Variants in NHSL2 observed in about 807,000 individuals in gnomAD.
NHSL2 encodes the protein NHS-like protein 2.
Under a neutral mutation model 53.4 loss-of-function variants are expected in NHSL2, and 27 were observed. The observed-to-expected ratio is 0.51, with a 90% CI of 0.37 to 0.70. The LOEUF (loss-of-function observed/expected upper bound fraction) is 0.70, where lower values mean the gene tolerates loss of function less well. NHSL2 is among the 30% of genes least tolerant of loss of function. NHSL2 has a pLI of 0.00. For missense variants in NHSL2, 892 were observed against 980.1 expected (o/e 0.91, Z 1.20); for synonymous variants, 408 against 404.1 (o/e 1.01, Z -0.12).
intron 1 of NHSL2, among the ~76,000 whole-genome samples, chrX:71,925,404 G>T (rs1189977217): frequency 9.1e-6 from 1 of 109,738 alleles, no homozygotes; most frequent in East Asian, 2.8e-4. Flanking sequence ...GAGAGAGGGA[G>T]TGGCATGTTT....
intron 1 of NHSL2, among the ~76,000 whole-genome samples, chrX:72,005,504 C>T (rs1292026962): frequency 8.9e-6 from 1 of 111,806 alleles, no homozygotes; most frequent in African/African-American, 3.3e-5. Flanking sequence ...GCCAGTAGTT[C>T]CCCGGAGTCA....
intron 1 of NHSL2, among the ~76,000 whole-genome samples, chrX:72,035,595 C>A (rs1233166927): frequency 9.0e-6 from 1 of 111,259 alleles, no homozygotes; most frequent in Non-Finnish European, 1.9e-5. Flanking sequence ...CTTTATCTAC[C>A]TTTATGCCCT....
chrX:72,071,595 G>C (rs896298006), intron 1 of NHSL2, among the ~76,000 whole-genome samples: 3 of 110,962 alleles, frequency 2.7e-5, no homozygotes, highest in African/African-American at 9.9e-5. Context: ...CCACCTCTTG[G>C]TCCTCACCTT....
intron 1 of NHSL2, among the ~76,000 whole-genome samples, chrX:72,001,434 C>A (rs1049011775): frequency 9.0e-6 from 1 of 111,553 alleles, no homozygotes; most frequent in African/African-American, 3.3e-5. Flanking sequence ...TGGCCCTGGA[C>A]TTAACTAAAA....
chrX:72,039,004 T>G lies in NHSL2; in HGVS notation c.281-93075T>G, dbSNP rs1349958140. The stretch of plus-strand genomic sequence containing the variant: ...TTGGCTGCCCAAAGAAGCCCTTAGT[T>G]GAAGGACCTTTTCTCCTCTGCTTTC... On this transcript the variant is annotated intron_variant, in intron 1 of 7. Transcript: ENST00000633930. Among the ~76,000 whole-genome samples the G allele has an allele frequency of 3.6e-5, 4 of 111,176 alleles. No homozygotes were observed. In the East Asian group the frequency reaches 1.1e-3, roughly 31 times the overall value.
At chrX:71,974,505 C>T (rs1370316011) in intron 1 of NHSL2, among the ~76,000 whole-genome samples, 1 of 112,235 alleles carries the variant, frequency 8.9e-6, no homozygotes, top group African/African-American at 3.2e-5. Flanking sequence ...GAAATAATCT[C>T]ATCCCTGGGA....
At chrX:72,104,107 A>G (rs914076821) in intron 1 of NHSL2, among the ~76,000 whole-genome samples, 1 of 112,398 alleles carries the variant, frequency 8.9e-6, no homozygotes, top group Non-Finnish European at 1.9e-5. Context: ...CAGGCCACAC[A>G]TCACAGTGGC....
At chrX:72,043,714 A>G (rs1425806893) in intron 1 of NHSL2, among the ~76,000 whole-genome samples, 1 of 111,369 alleles carries the variant, frequency 9.0e-6, no homozygotes, top group Non-Finnish European at 1.9e-5. Context: ...TGAGCCACAC[A>G]TGTTGATTAT....
chrX:71,996,006 G>A (rs1255130337), intron 1 of NHSL2, among the ~76,000 whole-genome samples: 2 of 112,269 alleles, frequency 1.8e-5, no homozygotes, highest in Admixed American at 9.4e-5. Context: ...AGATCACGTA[G>A]GGGAAGGAGA....
chrX:72,009,840 G>C (rs2042108746), intron 1 of NHSL2, among the ~76,000 whole-genome samples: 1 of 112,625 alleles, frequency 8.9e-6, no homozygotes, highest in African/African-American at 3.2e-5. Context: ...AATAAATTGT[G>C]AATGGATAAA....
intron 1 of NHSL2, among the ~76,000 whole-genome samples, chrX:71,931,989 A>G (rs931450801): frequency 3.6e-5 from 4 of 112,169 alleles, no homozygotes; most frequent in Non-Finnish European, 3.8e-5. Context: ...TTTTCTTTCG[A>G]CAAATATTGA....
intron 1 of NHSL2, among the ~76,000 whole-genome samples, chrX:71,917,519 G>C (rs994187477): frequency 9.1e-6 from 1 of 109,780 alleles, no homozygotes; most frequent in African/African-American, 3.3e-5. Context: ...TCTGGGCCCT[G>C]CCCTGTGCTG....
intron 1 of NHSL2, among the ~76,000 whole-genome samples, chrX:72,110,724 TAAAAAAAAA>T (rs56082929): frequency 2.1e-5 from 1 of 46,763 alleles, no homozygotes; most frequent in Non-Finnish European, 3.7e-5. Flanking sequence ...TCCTCCCACC[TAAAAAAAAA>T]AAAAAAAAAA....
Position 72,148,320 on chromosome X carries a change from G to A in NHSL2, c.*4746G>A, listed in dbSNP as rs933564332. 9.0e-6 allele frequency: 1 copy of A among 111,466 alleles called. No individual in the cohort carries two copies. Among genetic ancestry groups the A allele is most frequent in the Non-Finnish European group, 1.9e-5 (1 of 53,089 alleles). 9.2% of individuals were successfully genotyped at this position (111,466 alleles called of 1,213,427 possible). A position where few individuals can be genotyped will look rare whatever the true frequency, so the allele number is the denominator to read the frequency against. On this transcript the variant is annotated 3_prime_UTR_variant, in exon 8 of 8. Coordinates refer to ENST00000633930, the MANE Select transcript of NHSL2 (RefSeq NM_001013627.3). ...GGTGGTGATTATTAAACTTATTGGA[G>A]GTACAACTTTACCTCCAATAAGCTT...
chrX:72,065,702 A>ATT (rs890827246), intron 1 of NHSL2, among the ~76,000 whole-genome samples: 4 of 111,969 alleles, frequency 3.6e-5, no homozygotes, highest in Admixed American at 1.9e-4. Flanking sequence ...TCATTCCCCC[A>ATT]TTATACATGG....
chrX:71,973,222 C>T (rs750198723), intron 1 of NHSL2, among the ~76,000 whole-genome samples: 1 of 112,321 alleles, frequency 8.9e-6, no homozygotes, highest in South Asian at 3.7e-4. Flanking sequence ...GCCTTGATTG[C>T]TCCTGAAGTA....
rs1395126179 is a variant in NHSL2 at position 72,144,775 on chromosome X, T to A, written c.*1201T>A. ...GGGCTACTTTTTGCCATTTAGGTTC[T>A]GTGTTTGACCAGCTTTCAATTAACC... On this transcript the variant is annotated 3_prime_UTR_variant, in exon 8 of 8. Coordinates refer to ENST00000633930, the MANE Select transcript of NHSL2 (RefSeq NM_001013627.3). 4 of 206,191 alleles carry A rather than the reference T, an allele frequency of 1.9e-5. No homozygotes were observed. The highest frequency in any genetic ancestry group is 1.4e-4 in the East Asian group (1 of 7,265). 17.0% of individuals were successfully genotyped at this position (206,191 alleles called of 1,213,427 possible).
At chrX:71,955,166 C>T (rs902356329) in intron 1 of NHSL2, among the ~76,000 whole-genome samples, 10 of 111,855 alleles carry the variant, frequency 8.9e-5, no homozygotes, top group Non-Finnish European at 1.7e-4. Flanking sequence ...TCCGAAGCGC[C>T]GGAGAGAGTG....
At chrX:71,969,574 A>G (rs1279674002) in intron 1 of NHSL2, among the ~76,000 whole-genome samples, 1 of 111,930 alleles carries the variant, frequency 8.9e-6, no homozygotes, top group Non-Finnish European at 1.9e-5. Context: ...CAGCCTCTCA[A>G]AGTGCTGGGA....
Sources: allele counts gnomAD v4.1 joint callset (sites outside exome capture counted in the v4.1 genomes callset), GRCh38; gene constraint gnomAD v4.1.1; transcripts MANE v1.5; gene names NCBI Gene and HGNC (gene_info 2026-07-23, HGNC 2026-07-21).